SLC4A4: variants seen among roughly 807,000 people sequenced by gnomAD.
SLC4A4 encodes the protein solute carrier family 4 member 4, also known as electrogenic sodium bicarbonate cotransporter 1.
Under a neutral mutation model 111.5 loss-of-function variants are expected in SLC4A4, and 27 were observed. The ratio of observed to expected loss-of-function variants is 0.24; its 90% CI spans 0.18 to 0.33. The LOEUF (loss-of-function observed/expected upper bound fraction) is 0.33. Ranked by LOEUF, SLC4A4 falls within the 10% of genes least tolerant of loss-of-function variation. The pLI, the probability that SLC4A4 is intolerant of heterozygous loss-of-function variation, is 1.00. For synonymous variants in SLC4A4, 443 were observed against 463.4 expected (o/e 0.96, Z 0.57); for missense variants, 909 against 1,315.5 (o/e 0.69, Z 4.78).
chr4:71,234,781 C>T (rs1359445667), intron 1 of SLC4A4, among the ~76,000 whole-genome samples: 1 of 152,112 alleles, frequency 6.6e-6, no homozygotes, highest in African/African-American at 2.4e-5. Flanking sequence ...TGATGGCCAA[C>T]CCATATCCTG....
chr4:71,408,862 G>T (rs946812492), intron 7 of SLC4A4, among the ~76,000 whole-genome samples: 1 of 152,092 alleles, frequency 6.6e-6, no homozygotes, highest in African/African-American at 2.4e-5. Flanking sequence ...AACTTGAATT[G>T]TATCTCCCAG....
chr4:71,312,057 C>G (rs1578810845), intron 3 of SLC4A4, among the ~76,000 whole-genome samples: 1 of 152,126 alleles, frequency 6.6e-6, no homozygotes. Context: ...AGAGAAGAAT[C>G]AAATAGACAC....
At chr4:71,349,884 T>C (rs1485710265) in intron 4 of SLC4A4, 28 bp from the exon 5 acceptor site, 1 of 1,612,568 alleles carries the variant, frequency 6.2e-7, no homozygotes, top group Admixed American at 1.7e-5. Flanking sequence ...ACACTTTTAA[T>C]TGCTCTTCAC....
intron 7 of SLC4A4, among the ~76,000 whole-genome samples, chr4:71,422,957 T>C (rs935826913): frequency 4.3e-4 from 65 of 152,306 alleles, no homozygotes; most frequent in African/African-American, 1.5e-3. Flanking sequence ...TCACCACTCC[T>C]ATTCAACATA....
chr4:71,217,465 A>G (rs1396895942), intron 1 of SLC4A4, among the ~76,000 whole-genome samples: 1 of 152,176 alleles, frequency 6.6e-6, no homozygotes, highest in Non-Finnish European at 1.5e-5. Flanking sequence ...TGGGAGGCTG[A>G]GACAGGAGAA....
At chr4:71,488,709 C>T (rs1170425854) in intron 15 of SLC4A4, among the ~76,000 whole-genome samples, 5 of 151,540 alleles carry the variant, frequency 3.3e-5, no homozygotes, top group Admixed American at 1.3e-4. Flanking sequence ...TAGACTGGTG[C>T]CATTCCTCGT....
At chr4:71,388,271 A>G (rs961251386) in intron 6 of SLC4A4, among the ~76,000 whole-genome samples, 7 of 152,026 alleles carry the variant, frequency 4.6e-5, no homozygotes, top group East Asian at 1.9e-4. Context: ...GTATGTGTCT[A>G]TGTATATTAG....
intron 2 of SLC4A4, among the ~76,000 whole-genome samples, chr4:71,158,301 CA>C (rs898383331): frequency 6.6e-6 from 1 of 152,054 alleles, no homozygotes; most frequent in Non-Finnish European, 1.5e-5. Context: ...TGTCTGAACA[CA>C]ACAAATCCAA....
chr4:71,456,246 TC>T (rs1438024409), intron 12 of SLC4A4, among the ~76,000 whole-genome samples: 6 of 152,196 alleles, frequency 3.9e-5, no homozygotes, highest in African/African-American at 1.4e-4. Flanking sequence ...AAAGCTTTTT[TC>T]CTTTAAGAAA....
intron 2 of SLC4A4, among the ~76,000 whole-genome samples, chr4:71,180,079 C>A (rs1745238283): frequency 6.6e-6 from 1 of 152,118 alleles, no homozygotes; most frequent in Non-Finnish European, 1.5e-5. Flanking sequence ...TTTGACAAAC[C>A]TGACAAAAAC....
chr4:71,260,329 T>C (rs1721763472), intron 3 of SLC4A4, among the ~76,000 whole-genome samples: 2 of 152,230 alleles, frequency 1.3e-5, no homozygotes. Context: ...TTTGTACTTT[T>C]TCTTGATTTT....
intron 2 of SLC4A4, among the ~76,000 whole-genome samples, chr4:71,110,701 A>T (rs1385565563): frequency 1.3e-5 from 2 of 152,096 alleles, no homozygotes; most frequent in African/African-American, 4.8e-5. Context: ...ATCCATGTTT[A>T]CTCTGAGAGA....
intron 3 of SLC4A4, among the ~76,000 whole-genome samples, chr4:71,338,325 A>G (rs1455985496): frequency 6.6e-6 from 1 of 152,100 alleles, no homozygotes; most frequent in African/African-American, 2.4e-5. Flanking sequence ...TTGTGTACAT[A>G]TATTTCTACA....
chr4:71,131,444 G>A (rs987456814), intron 2 of SLC4A4, among the ~76,000 whole-genome samples: 1 of 152,180 alleles, frequency 6.6e-6, no homozygotes, highest in Non-Finnish European at 1.5e-5. Flanking sequence ...TGTCTGTGCT[G>A]TAGCTGGGTT....
At chr4:71,239,816 G>A (rs1172490949) in intron 2 of SLC4A4, among the ~76,000 whole-genome samples, 1 of 152,118 alleles carries the variant, frequency 6.6e-6, no homozygotes, top group East Asian at 1.9e-4. Flanking sequence ...TGGTTACCTT[G>A]TACTATGCGT....
At chr4:71,557,282 A>G (rs1175248169) in intron 21 of SLC4A4, among the ~76,000 whole-genome samples, 1 of 151,980 alleles carries the variant, frequency 6.6e-6, no homozygotes, top group Non-Finnish European at 1.5e-5. Flanking sequence ...GTATTAATAT[A>G]TGATGCATAG....
At chr4:71,323,246 C>T (rs1727255467) in intron 3 of SLC4A4, among the ~76,000 whole-genome samples, 1 of 151,890 alleles carries the variant, frequency 6.6e-6, no homozygotes, top group Admixed American at 6.6e-5. Context: ...AAATGAGAAT[C>T]ATCAGTAATT....
intron 23 of SLC4A4, among the ~76,000 whole-genome samples, chr4:71,563,102 G>C (rs896444759): frequency 2.0e-5 from 3 of 151,680 alleles, no homozygotes; most frequent in African/African-American, 7.3e-5. Flanking sequence ...TCTTTAAGCA[G>C]TCCCATGATT....
At chr4:71,091,549 G>A (rs775353130) in intron 1 of SLC4A4, among the ~76,000 whole-genome samples, 2 of 152,008 alleles carry the variant, frequency 1.3e-5, no homozygotes, top group African/African-American at 4.8e-5. Context: ...CACTGCACCC[G>A]GCCTGGCCAG....
Sources: gnomAD v4.1 joint callset for allele counts (sites outside exome capture counted in the v4.1 genomes callset) on GRCh38, gnomAD v4.1.1 for gene constraint, MANE v1.5 for transcripts, NCBI Gene and HGNC (gene_info 2026-07-23, HGNC 2026-07-21) for gene names.